The following RNF17 variants were observed in gnomAD, a reference collection of about 807,000 sequenced individuals.
RNF17 encodes ring finger protein 17, also known as spermatogenesis associated 23.
RNF17 carries 31 observed loss-of-function variants against 200.5 expected under a neutral mutation model. The observed-to-expected ratio is 0.15, with a 90% CI of 0.12 to 0.21. The LOEUF (loss-of-function observed/expected upper bound fraction) is 0.21, where lower values mean the gene tolerates loss of function less well. Among genes scored for constraint, RNF17 ranks in the 10% least tolerant of loss-of-function variants. The pLI is 1.00. For missense variants in RNF17, 1,628 were observed against 1,905.1 expected (o/e 0.85, Z 2.71); for synonymous variants, 606 against 637.8 (o/e 0.95, Z 0.75).
chr13:24,843,708 A>G, intron 19 of RNF17, 36 bp from the exon 20 acceptor site: 1 of 1,235,578 alleles, frequency 8.1e-7, no homozygotes, highest in Non-Finnish European at 1.2e-6. Flanking sequence ...AATATTTTGC[A>G]TACAGTTCTT....
chr13:24,808,270 G>A (rs201842569), intron 15 of RNF17, among the ~76,000 whole-genome samples: 17,901 of 150,488 alleles, frequency 0.12, 1,201 homozygotes, highest in Admixed American at 0.14. Context: ...GATTCTTCCT[G>A]CCCATGAGCA....
intron 15 of RNF17, among the ~76,000 whole-genome samples, chr13:24,820,320 C>A (rs2137915051): frequency 6.6e-6 from 1 of 152,134 alleles, no homozygotes; most frequent in East Asian, 1.9e-4. Flanking sequence ...TGGGGTTTCA[C>A]CATGTTGGCC....
intron 25 of RNF17, 27 bp downstream of exon 25, chr13:24,854,171 C>G (rs778324095): frequency 6.5e-7 from 1 of 1,531,266 alleles, no homozygotes; most frequent in Non-Finnish European, 8.9e-7. Flanking sequence ...TATGTAGGCT[C>G]TAGTTCTCTA....
At chr13:24,883,591 A>C (rs1236757408), downstream of RNF17, among the ~76,000 whole-genome samples, 1 of 152,078 alleles carries the variant, frequency 6.6e-6, no homozygotes, top group African/African-American at 2.4e-5. Context: ...TTCATCACAA[A>C]ATGCTTAGTA....
rs1362478582 is a variant in RNF17, at chr13:24,793,168, C to G, written c.1062C>G (p.Thr354=). 1 of 1,614,060 alleles carries G rather than the reference C, an allele frequency of 6.2e-7. No individual in the cohort carries two copies. The highest frequency in any genetic ancestry group is 8.5e-7 in the Non-Finnish European group (1 of 1,179,958). Residue 354 remains threonine, a synonymous_variant, in exon 10 of 36, where the codon ACC becomes ACG. Coordinates refer to ENST00000255324, the MANE Select transcript of RNF17 (RefSeq NM_031277.3). Reference sequence around the variant, plus strand: ...AAAAGGTTGACATGTCTGTCCTAACCAGTGAAGCACCACCACCTCCTTTGC... The same window carrying G: ...AAAAGGTTGACATGTCTGTCCTAACGAGTGAAGCACCACCACCTCCTTTGC... ...EKKKVDMSVL[T]SEAPPPPLQP... is the part of the protein sequence containing the mutation.
upstream of RNF17, among the ~76,000 whole-genome samples, chr13:24,759,907 G>A (rs1319259568): frequency 6.6e-6 from 1 of 152,190 alleles, no homozygotes; most frequent in African/African-American, 2.4e-5. Context: ...TTGGGAGGAT[G>A]AGGCGGGTGG....
intron 16 of RNF17, among the ~76,000 whole-genome samples, chr13:24,827,723 AAAAAAAAAC>A: frequency 6.7e-6 from 1 of 148,260 alleles, no homozygotes; most frequent in African/African-American, 2.5e-5. Flanking sequence ...AAAAACAAAA[AAAAAAAAAC>A]AATAGAAATT....
chr13:24,831,761 CAT>C, intron 17 of RNF17, 95 bp from the exon 18 acceptor site: 3 of 1,052,702 alleles, frequency 2.8e-6, no homozygotes, highest in Non-Finnish European at 4.2e-6. Context: ...GAAATTCAAA[CAT>C]AAAGATTAGT....
At chr13:24,815,430 T>G (rs997706057) in intron 15 of RNF17, among the ~76,000 whole-genome samples, 52 of 6,056 alleles carry the variant, frequency 8.6e-3, no homozygotes, top group Admixed American at 0.019. Flanking sequence ...CCTAACGGGG[T>G]GTGTGTGTGT....
the RNF17 span, among the ~76,000 whole-genome samples, chr13:24,754,757 G>A: frequency 6.6e-6 from 1 of 152,196 alleles, no homozygotes; most frequent in South Asian, 2.1e-4. Context: ...TTAGCCAGGT[G>A]TAGTGGCCTG....
intron 15 of RNF17, among the ~76,000 whole-genome samples, chr13:24,820,230 TC>T (rs1887884389): frequency 6.6e-6 from 1 of 151,546 alleles, no homozygotes; most frequent in Non-Finnish European, 1.5e-5. Flanking sequence ...CAAGCGATTG[TC>T]CTGCCCCAGC....
chr13:24,877,182 C>G lies in RNF17; in HGVS notation c.4769C>G (p.Ser1590Cys). The change falls in exon 34 of 36, where the codon TCC (serine) becomes TGC (cysteine). Residue 1590 changes from serine (S) to cysteine (C), a missense_variant. By Grantham distance (112) the Ser-to-Cys change is moderately radical. Transcript: ENST00000255324. ...CAAGGAAAACAACTCTATGCTGTGT[C>G]CATGGTAAGTGTCTCAAGTAGCCAA... ...CLQGKQLYAV[S>C]MAPAPEQIVT... 1 of 1,608,264 alleles carries G rather than the reference C, an allele frequency of 6.2e-7. No homozygotes were observed. The highest frequency in any genetic ancestry group is 8.5e-7 in the Non-Finnish European group (1 of 1,178,298).
In RNF17 at chr13:24,818,152, T is replaced by C. The variant is rs574832546; in HGVS notation, c.2092-7467T>C. Among the ~76,000 whole-genome samples, 275 of 152,262 alleles carry C rather than the reference T, an allele frequency of 1.8e-3. 1 individual carries two copies. Among genetic ancestry groups the C allele is most frequent in the Non-Finnish European group, 3.5e-3 (239 of 68,010 alleles). ...GATTTCTTCTTTGACCTGTTGGTAG[T>C]TTGTGGTGTTTAGTTTCTACATATT... On this transcript the variant is annotated intron_variant, in intron 15 of 35. Transcript: ENST00000255324.
At chr13:24,887,286 A>G in the RNF17 span, among the ~76,000 whole-genome samples, 26 of 152,216 alleles carry the variant, frequency 1.7e-4, no homozygotes, top group African/African-American at 5.3e-4. Flanking sequence ...CACTTATACC[A>G]GGGGGCCCCA....
In RNF17 at chr13:24,858,575, G is replaced by GATATATATATATATATATATATAT. The variant is rs397770900; in HGVS notation, c.3611-408_3611-407insATATATATATATATATATATATAT. Among the ~76,000 whole-genome samples the GATATATATATATATATATATATAT allele has an allele frequency of 2.8e-3, 402 of 143,128 alleles. 5 individuals are homozygous for GATATATATATATATATATATATAT. The highest frequency in any genetic ancestry group is 0.012 in the East Asian group (55 of 4,722). The allele number at this position is 143,128 out of a possible 152,430, so 93.9% of individuals were successfully genotyped here. A position where few individuals can be genotyped will look rare whatever the true frequency, so the allele number is the denominator to read the frequency against. On this transcript the variant is annotated intron_variant, in intron 25 of 35. Coordinates refer to ENST00000255324, the MANE Select transcript of RNF17 (RefSeq NM_031277.3). The stretch of plus-strand genomic sequence containing the variant: ...CTTACCTTCTATGGTATCAGTTATG[G>GATATATATATATATATATATATAT]ATATATATATATATATATGTTTACT...
intron 6 of RNF17, among the ~76,000 whole-genome samples, chr13:24,787,577 G>C (rs1883282923): frequency 1.3e-5 from 2 of 152,058 alleles, no homozygotes; most frequent in Non-Finnish European, 2.9e-5. Context: ...TCTTGCCTGG[G>C]CCTCAGTGTG....
chr13:24,831,786 T>A, intron 17 of RNF17, 72 bp from the exon 18 acceptor site: 1 of 1,327,280 alleles, frequency 7.5e-7, no homozygotes, highest in South Asian at 1.3e-5. Flanking sequence ...TGTACACACT[T>A]AATAAAACTT....
chr13:24,827,720 A>AAAAAAAAAAAAAC (rs1566188494), intron 16 of RNF17, among the ~76,000 whole-genome samples: 1 of 147,650 alleles, frequency 6.8e-6, no homozygotes, highest in Non-Finnish European at 1.5e-5. Context: ...AAAAAAAACA[A>AAAAAAAAAAAAAC]AAAAAAAAAA....
the RNF17 span, among the ~76,000 whole-genome samples, chr13:24,756,475 C>G: frequency 6.6e-6 from 1 of 151,366 alleles, no homozygotes; most frequent in Non-Finnish European, 1.5e-5. Context: ...GAAGTCATAG[C>G]GAATCCCGAA....
Sources: gnomAD v4.1 joint callset for allele counts (sites outside exome capture counted in the v4.1 genomes callset) on GRCh38, gnomAD v4.1.1 for gene constraint, MANE v1.5 for transcripts, NCBI Gene and HGNC (gene_info 2026-07-23, HGNC 2026-07-21) for gene names.